Variants in UBE2Q2 observed in about 807,000 individuals in gnomAD.
UBE2Q2 encodes ubiquitin-conjugating enzyme E2 Q2.
UBE2Q2 carries 54 observed loss-of-function variants against 59.9 expected under a neutral mutation model. That is an observed-to-expected ratio of 0.90 (90% CI 0.72 to 1.13). The LOEUF is 1.13. Ranked by LOEUF, UBE2Q2 falls within the 50% of genes most tolerant of loss-of-function variation. The pLI is 0.00. For missense variants in UBE2Q2, 433 were observed against 441.9 expected, an observed-to-expected ratio of 0.98 and a Z score of 0.18; for synonymous variants, 165 against 155.2, an observed-to-expected ratio of 1.06 and a Z score of -0.47.
chr15:75,856,269 G>GTATATATATATATATATATATA (rs60490503), intron 2 of UBE2Q2, among the ~76,000 whole-genome samples: 5 of 139,278 alleles, frequency 3.6e-5, no homozygotes, highest in African/African-American at 1.4e-4. Context: ...GTGTGTGTGT[G>GTATATATATATATATATATATA]TATATATATA....
At chr15:75,849,887 AC>A (rs1896544213) in intron 1 of UBE2Q2, among the ~76,000 whole-genome samples, 1 of 152,208 alleles carries the variant, frequency 6.6e-6, no homozygotes, top group African/African-American at 2.4e-5. Context: ...ATTTTTGAGC[AC>A]CATTCACTGT....
At chr15:75,880,133 GAC>G (rs1350241815) in intron 8 of UBE2Q2, among the ~76,000 whole-genome samples, 1 of 152,014 alleles carries the variant, frequency 6.6e-6, no homozygotes, top group Non-Finnish European at 1.5e-5. Context: ...TGTTTTTTGA[GAC>G]AGAGTCTTGC....
chr15:75,856,383 A>AT (rs1896919374), intron 2 of UBE2Q2, among the ~76,000 whole-genome samples: 1 of 151,996 alleles, frequency 6.6e-6, no homozygotes. Flanking sequence ...TGATAAAAAA[A>AT]TAAAGAATAG....
intron 3 of UBE2Q2, among the ~76,000 whole-genome samples, chr15:75,863,096 G>C (rs1897278146): frequency 6.6e-6 from 1 of 152,160 alleles, no homozygotes; most frequent in Non-Finnish European, 1.5e-5. Context: ...AATGTGTTCT[G>C]TATATAGGCT....
chr15:75,858,292 G>A (rs1897024773), intron 2 of UBE2Q2, among the ~76,000 whole-genome samples: 1 of 152,124 alleles, frequency 6.6e-6, no homozygotes, highest in Non-Finnish European at 1.5e-5. Flanking sequence ...ACAGTGCCAT[G>A]GATATTCAAA....
At chr15:75,873,804 T>A (rs940817490) in intron 5 of UBE2Q2, among the ~76,000 whole-genome samples, 3 of 152,218 alleles carry the variant, frequency 2.0e-5, no homozygotes, top group African/African-American at 7.2e-5. Flanking sequence ...CCAGTAATCC[T>A]GCTGCCTCAG....
intron 3 of UBE2Q2, among the ~76,000 whole-genome samples, chr15:75,865,891 C>G (rs1222922442): frequency 2.0e-5 from 3 of 150,966 alleles, no homozygotes; most frequent in Non-Finnish European, 4.4e-5. Flanking sequence ...ATTTGTTCAA[C>G]AAATATCTGA....
chr15:75,885,245 C>T (rs563302945), intron 9 of UBE2Q2, among the ~76,000 whole-genome samples: 2 of 152,064 alleles, frequency 1.3e-5, no homozygotes, highest in Non-Finnish European at 2.9e-5. Context: ...CTTAGCCTCC[C>T]GAGTAAGGAC....
intron 5 of UBE2Q2, among the ~76,000 whole-genome samples, chr15:75,875,458 A>T (rs1229509990): frequency 2.6e-5 from 4 of 152,236 alleles, no homozygotes; most frequent in African/African-American, 9.6e-5. Context: ...ATGTAGGCAG[A>T]TGTTTCTCAG....
chr15:75,856,587 TCTCAA>T (rs1232139232), intron 2 of UBE2Q2, among the ~76,000 whole-genome samples: 3 of 152,278 alleles, frequency 2.0e-5, no homozygotes, highest in South Asian at 4.1e-4. Flanking sequence ...GAAGTTTGAG[TCTCAA>T]CTCTGATTTT....
intron 9 of UBE2Q2, among the ~76,000 whole-genome samples, chr15:75,885,536 A>G (rs995735600): frequency 6.6e-6 from 1 of 152,240 alleles, no homozygotes; most frequent in East Asian, 1.9e-4. Context: ...TTTTTCCCAA[A>G]TTTGTTTAAT....
At chr15:75,891,791 C>A (rs1053330426) in intron 11 of UBE2Q2, among the ~76,000 whole-genome samples, 2 of 152,160 alleles carry the variant, frequency 1.3e-5, no homozygotes, top group Non-Finnish European at 2.9e-5. Flanking sequence ...GACAGCCTTC[C>A]AAAGCCGGAG....
chr15:75,871,768 T>C (rs544888738), intron 4 of UBE2Q2, among the ~76,000 whole-genome samples: 1 of 152,346 alleles, frequency 6.6e-6, no homozygotes, highest in East Asian at 1.9e-4. Flanking sequence ...CTCCTATGTC[T>C]ACTTCTTTCT....
chr15:75,865,136 G>A (rs769458445), intron 3 of UBE2Q2, among the ~76,000 whole-genome samples: 2 of 152,214 alleles, frequency 1.3e-5, no homozygotes, highest in Non-Finnish European at 2.9e-5. Context: ...AACATTGCTC[G>A]CACTACAGAA....
intron 4 of UBE2Q2, among the ~76,000 whole-genome samples, chr15:75,871,078 G>C (rs1056333576): frequency 9.9e-5 from 15 of 152,204 alleles, no homozygotes; most frequent in Non-Finnish European, 2.1e-4. Context: ...AGGGTCACAA[G>C]ACAATAGTGG....
chr15:75,866,790 C>T (rs1897512456), intron 3 of UBE2Q2, among the ~76,000 whole-genome samples: 2 of 152,112 alleles, frequency 1.3e-5, no homozygotes, highest in Non-Finnish European at 1.5e-5. Context: ...CTTATTTTTA[C>T]TTTCTAGAAT....
Position 75,897,006 on chromosome 15 carries a change from T to C in UBE2Q2, c.1041T>C (p.Asn347=), listed in dbSNP as rs899670687. The C allele has an allele frequency of 6.4e-7, 1 of 1,564,602 alleles. No homozygotes were observed. The highest frequency in any genetic ancestry group is 1.4e-5 in the African/African-American group (1 of 73,254). ...TAATTCTCTTTCAGAATCAATATAA[T>C]CTAGCAAGAGCCCAACAATCCTATA... is the stretch of plus-strand genomic sequence containing the variant. The part of the protein sequence containing the change: ...VQFGANKNQY[N]LARAQQSYNS... The change falls in exon 12 of 13, where the codon AAT becomes AAC. Residue 347 remains asparagine, a synonymous_variant. Coordinates refer to ENST00000267938, the MANE Select transcript of UBE2Q2 (RefSeq NM_173469.4).
chr15:75,885,822 T>C (rs529177450), intron 9 of UBE2Q2, among the ~76,000 whole-genome samples: 1 of 152,328 alleles, frequency 6.6e-6, no homozygotes, highest in South Asian at 2.1e-4. Flanking sequence ...TTGTTACCTT[T>C]AAAGCTTCCG....
chr15:75,859,541 T>A (rs991383960), intron 2 of UBE2Q2, among the ~76,000 whole-genome samples: 1 of 152,192 alleles, frequency 6.6e-6, no homozygotes. Context: ...GTAGCCTCAT[T>A]AATGCATTAA....
Sources: allele counts gnomAD v4.1 joint callset (sites outside exome capture counted in the v4.1 genomes callset), GRCh38; gene constraint gnomAD v4.1.1; transcripts MANE v1.5; gene names NCBI Gene and HGNC (gene_info 2026-07-23, HGNC 2026-07-21).